The following PFKFB3 variants were observed in gnomAD, a reference collection of about 807,000 sequenced individuals.
PFKFB3 encodes the protein 6-phosphofructo-2-kinase/fructose-2,6-bisphosphatase 3.
PFKFB3 carries 33 observed loss-of-function variants against 68.0 expected under a neutral mutation model. The ratio of observed to expected loss-of-function variants is 0.49; its 90% CI spans 0.37 to 0.65. The LOEUF (loss-of-function observed/expected upper bound fraction) is 0.65. PFKFB3 is among the 30% of genes least tolerant of loss of function. PFKFB3 has a pLI of 0.00. For missense variants in PFKFB3, 586 were observed against 712.2 expected (o/e 0.82, Z 2.02); for synonymous variants, 315 against 288.2 (o/e 1.09, Z -0.94).
downstream of PFKFB3, among the ~76,000 whole-genome samples, chr10:6,237,096 C>T (rs2132070125): frequency 6.6e-6 from 1 of 152,366 alleles, no homozygotes; most frequent in South Asian, 2.1e-4. Context: ...GAGTGCCGCT[C>T]CCTCCCCTGG....
chr10:6,321,179 AAGT>A, the PFKFB3 span, among the ~76,000 whole-genome samples: 1 of 152,064 alleles, frequency 6.6e-6, no homozygotes, highest in African/African-American at 2.4e-5. Context: ...ATTTCCCAGG[AAGT>A]AGAAGTAGGG....
chr10:6,190,368 G>C (rs992870926), intron 1 of PFKFB3, among the ~76,000 whole-genome samples: 5 of 152,218 alleles, frequency 3.3e-5, no homozygotes, highest in African/African-American at 1.2e-4. Context: ...CTTATTTGTT[G>C]ATATTCTACT....
the PFKFB3 span, among the ~76,000 whole-genome samples, chr10:6,314,053 C>G: frequency 6.6e-6 from 1 of 152,212 alleles, no homozygotes; most frequent in African/African-American, 2.4e-5. Flanking sequence ...CCCTTGACAT[C>G]AAAGCAAGGG....
chr10:6,214,259 A>C (rs928262348), intron 2 of PFKFB3, among the ~76,000 whole-genome samples: 2 of 152,132 alleles, frequency 1.3e-5, no homozygotes, highest in Non-Finnish European at 2.9e-5. Flanking sequence ...AGTGAACCCT[A>C]TTGTGAACTG....
Position 6,203,903 on chromosome 10 carries a change from TC to T in PFKFB3, c.76+568del, listed in dbSNP as rs1471510368. On this transcript the variant is annotated intron_variant, in intron 1 of 14. Transcript: ENST00000379775. ...CCCACTGTTTCTTTCTGCTTTTATCTCTTTCTCTCTCCTTCTCTCTCTTCCG... is the reference window on the plus strand; with the variant it reads ...CCCACTGTTTCTTTCTGCTTTTATCTTTTCTCTCTCCTTCTCTCTCTTCCG... Among the ~76,000 whole-genome samples the T allele has an allele frequency of 5.1e-3, 728 of 141,450 alleles. 15 individuals are homozygous for T. The highest frequency in any genetic ancestry group is 0.018 in the African/African-American group (697 of 39,702). The allele number at this position is 141,450 out of a possible 152,430, so 92.8% of individuals were successfully genotyped here.
At chr10:6,299,968 CTTTTTTTTTTTT>C in the PFKFB3 span, among the ~76,000 whole-genome samples, 1 of 48,586 alleles carries the variant, frequency 2.1e-5, no homozygotes, top group African/African-American at 8.9e-5. Flanking sequence ...GTTCAGAAGA[CTTTTTTTTTTTT>C]TTTTTTTTTT....
At chr10:6,145,355 C>T (rs550041398) in intron 1 of PFKFB3, among the ~76,000 whole-genome samples, 7 of 150,800 alleles carry the variant, frequency 4.6e-5, no homozygotes, top group Admixed American at 2.0e-4. Context: ...TGCCTCCAGA[C>T]CCGCGCTACC....
chr10:6,316,652 A>G, the PFKFB3 span, among the ~76,000 whole-genome samples: 10 of 151,550 alleles, frequency 6.6e-5, no homozygotes, highest in African/African-American at 2.4e-4. Context: ...TAGTTTTTGT[A>G]TTTTCAGTAG....
rs59556396 is a variant in PFKFB3, at chr10:6,217,331, T to C, written c.498+140T>C. The C allele has an allele frequency of 0.028, 21,355 of 776,268 alleles. 3,139 individuals carry two copies. The African/African-American group carries it at 0.32, about 12-fold the overall frequency. 48.1% of individuals were successfully genotyped at this position (776,268 alleles called of 1,614,324 possible). A position where few individuals can be genotyped will look rare whatever the true frequency, so the allele number is the denominator to read the frequency against. ...GAGCAGCCCCCAGCTGGCTGTTGAT[T>C]GGGAGGTCAGACCTACAGAGCGGTT... On this transcript the variant is annotated intron_variant, in intron 6 of 14. Coordinates refer to ENST00000379775, the MANE Select transcript of PFKFB3 (RefSeq NM_004566.4).
At position 6,213,763 on chromosome 10, in the gene PFKFB3, C is replaced by T. The variant is rs141062103; in HGVS notation, c.202+15C>T. On this transcript the variant is annotated intron_variant, in intron 2 of 14. Transcript: ENST00000379775. The stretch of plus-strand genomic sequence containing the variant: ...CCCCACAAAAGGTGAGACTGGGTCT[C>T]GAGGCCGGACCCCTGCTCGTGCAAA... 2.5e-5 allele frequency: 41 copies of T among 1,609,926 alleles called. No homozygotes were observed. In the East Asian group the frequency reaches 7.6e-4, roughly 30 times the overall value.
intron 14 of PFKFB3, among the ~76,000 whole-genome samples, chr10:6,242,415 T>C (rs140049987): frequency 0.026 from 3,915 of 152,218 alleles, 79 homozygotes; most frequent in Middle Eastern, 0.061. Flanking sequence ...GGGTACACCA[T>C]CACCCCTATG....
chr10:6,219,386 C>A, intron 6 of PFKFB3, 183 bp from the exon 7 acceptor site: 1 of 596,122 alleles, frequency 1.7e-6, no homozygotes, highest in South Asian at 1.9e-5. Flanking sequence ...GGAATCCTCC[C>A]CATGTAACAT....
Position 6,203,077 on chromosome 10 carries a change from C to T in PFKFB3, c.-184C>T, listed in dbSNP as rs1843439920. ...CGCTACCCTCGCAGCACACGTCGAG[C>T]CCCGCACAGGCGAGGGTCCGGAACT... is the stretch of plus-strand genomic sequence containing the variant. On this transcript the variant is annotated 5_prime_UTR_variant, in exon 1 of 15. Coordinates refer to ENST00000379775, the MANE Select transcript of PFKFB3 (RefSeq NM_004566.4). 7.1e-7 allele frequency: 1 copy of T among 1,414,894 alleles called. No individual in the cohort carries two copies. The allele number at this position is 1,414,894 out of a possible 1,614,324, so 87.6% of individuals were successfully genotyped here.
chr10:6,286,024 C>T, the PFKFB3 span, among the ~76,000 whole-genome samples: 205 of 127,492 alleles, frequency 1.6e-3, no homozygotes, highest in African/African-American at 6.0e-3. Context: ...GTCGCCCAGG[C>T]TGGAGTGCAG....
At chr10:6,227,456 T>C (rs1028346524) in intron 14 of PFKFB3, among the ~76,000 whole-genome samples, 2 of 152,206 alleles carry the variant, frequency 1.3e-5, no homozygotes. Context: ...TTAGACCTCA[T>C]GATGTCTGGA....
At chr10:6,231,230 CT>C in intron 14 of PFKFB3, 1 of 1,363,608 alleles carries the variant, frequency 7.3e-7, no homozygotes. Context: ...CTTTTCCAAC[CT>C]GTTTCTTCCT....
In PFKFB3 at chr10:6,215,416, GGGCTGGGCTGTGGGAATAA is replaced by G; in HGVS notation, c.299+110_299+128del. 1.2e-6 allele frequency: 1 copy of G among 863,562 alleles called. No homozygotes were observed. The highest frequency in any genetic ancestry group is 1.9e-6 in the Non-Finnish European group (1 of 527,596). The allele number at this position is 863,562 out of a possible 1,614,324, so 53.5% of individuals were successfully genotyped here. On this transcript the variant is annotated intron_variant, in intron 3 of 14. Transcript: ENST00000379775. The surrounding 1 kb of genome is among the most constrained non-coding windows in gnomAD (Gnocchi z 4.3). ...GGAGTAAGGCTGGGCCGCGGGCGTA[GGGCTGGGCTGTGGGAATAA>G]GGCTGGGCTGCGGGGCTGCGGGTGT... is the stretch of plus-strand genomic sequence containing the variant.
At chr10:6,288,965 C>A in the PFKFB3 span, among the ~76,000 whole-genome samples, 4 of 151,016 alleles carry the variant, frequency 2.6e-5, no homozygotes, top group African/African-American at 4.9e-5. Context: ...TGATGGTGAG[C>A]ATTTTTTCAT....
chr10:6,321,549 C>T, the PFKFB3 span, among the ~76,000 whole-genome samples: 2 of 152,182 alleles, frequency 1.3e-5, no homozygotes, highest in African/African-American at 4.8e-5. Flanking sequence ...GTCTTGTCAT[C>T]AGCAGAAACT....
Sources: allele counts gnomAD v4.1 joint callset (sites outside exome capture counted in the v4.1 genomes callset), GRCh38; gene constraint gnomAD v4.1.1; non-coding constraint Gnocchi (gnomAD v3.1); transcripts MANE v1.5; gene names NCBI Gene and HGNC (gene_info 2026-07-23, HGNC 2026-07-21).